The following ADAMTS17 variants were observed in gnomAD, a reference collection of about 807,000 sequenced individuals.
The protein encoded by ADAMTS17 is ADAM metallopeptidase with thrombospondin type 1 motif 17, also known as A disintegrin and metalloproteinase with thrombospondin motifs 17.
ADAMTS17 carries 113 observed loss-of-function variants against 141.5 expected under a neutral mutation model. That is an observed-to-expected ratio of 0.80 (90% CI 0.69 to 0.93). The LOEUF is 0.93. Among genes scored for constraint, ADAMTS17 ranks in the 40% least tolerant of loss-of-function variants. ADAMTS17 has a pLI of 0.00. For synonymous variants in ADAMTS17, 768 were observed against 630.6 expected (o/e 1.22, Z -3.27); for missense variants, 1,659 against 1,517.9 (o/e 1.09, Z -1.54).
intron 3 of ADAMTS17, chr15:100,306,622 A>C (rs1409675102): frequency 2.2e-6 from 1 of 455,036 alleles, no homozygotes. Context: ...TCCCTGACCC[A>C]CAGAATCTAT....
chr15:100,275,193 AAGAC>A (rs1178757304), intron 4 of ADAMTS17, among the ~76,000 whole-genome samples: 7 of 152,356 alleles, frequency 4.6e-5, no homozygotes, highest in African/African-American at 1.7e-4. Flanking sequence ...ATTCCTGACA[AAGAC>A]AGTAAGTCAA....
intron 8 of ADAMTS17, among the ~76,000 whole-genome samples, chr15:100,161,070 T>C (rs1224303780): frequency 6.6e-6 from 1 of 152,242 alleles, no homozygotes; most frequent in Non-Finnish European, 1.5e-5. Flanking sequence ...AGGGCACAGA[T>C]GGGCCTTGTG....
chr15:100,217,639 G>A (rs1232595764), intron 7 of ADAMTS17, among the ~76,000 whole-genome samples: 3 of 152,038 alleles, frequency 2.0e-5, no homozygotes, highest in African/African-American at 7.3e-5. Flanking sequence ...TGTGATCCTG[G>A]GTTAGGCAAT....
chr15:100,102,863 G>A (rs971245403), intron 14 of ADAMTS17, among the ~76,000 whole-genome samples: 3 of 152,232 alleles, frequency 2.0e-5, no homozygotes, highest in South Asian at 2.1e-4. Flanking sequence ...TGAGCATGCC[G>A]ATGCACCCTC....
intron 15 of ADAMTS17, among the ~76,000 whole-genome samples, chr15:100,091,493 A>G (rs2035468457): frequency 6.6e-6 from 1 of 152,184 alleles, no homozygotes; most frequent in East Asian, 1.9e-4. Flanking sequence ...TTTCTGCCCT[A>G]AGGACCAGCA....
At chr15:100,162,285 T>C (rs2039726029) in intron 8 of ADAMTS17, among the ~76,000 whole-genome samples, 1 of 151,554 alleles carries the variant, frequency 6.6e-6, no homozygotes, top group African/African-American at 2.4e-5. Flanking sequence ...AAAGTAGCCT[T>C]GCCTGGGTTT....
At position 100,200,834 on chromosome 15, in the gene ADAMTS17, C is replaced by T. The variant is rs529548853; in HGVS notation, c.1076-1411G>A. Among the ~76,000 whole-genome samples, 35 of 151,786 alleles carry T rather than the reference C, an allele frequency of 2.3e-4. No homozygotes were observed. The East Asian group carries it at 6.2e-3, about 27-fold the overall frequency. On this transcript the variant is annotated intron_variant, in intron 7 of 21. Transcript: ENST00000268070. Reference sequence around the variant, plus strand: ...CTCTGTCGAGCTGCACCTGCTCTCCCCCATGGGCTGTCCCTCTGTCGAACT... The same window carrying T: ...CTCTGTCGAGCTGCACCTGCTCTCCTCCATGGGCTGTCCCTCTGTCGAACT...
At chr15:100,187,125 G>A (rs940202648) in intron 8 of ADAMTS17, among the ~76,000 whole-genome samples, 1 of 152,142 alleles carries the variant, frequency 6.6e-6, no homozygotes, top group Non-Finnish European at 1.5e-5. Context: ...GCTCCCACCG[G>A]TACAAGGTGC....
intron 18 of ADAMTS17, among the ~76,000 whole-genome samples, chr15:100,007,389 C>A (rs1467566020): frequency 6.7e-6 from 1 of 150,268 alleles, no homozygotes; most frequent in Non-Finnish European, 1.5e-5. Context: ...GCAGTGGTGG[C>A]AAGGGGACAA....
intron 3 of ADAMTS17, among the ~76,000 whole-genome samples, chr15:100,295,590 G>A (rs1164036506): frequency 6.6e-6 from 1 of 152,158 alleles, no homozygotes; most frequent in Non-Finnish European, 1.5e-5. Context: ...ATAAGCCACA[G>A]CCCCACAGCC....
chr15:100,168,124 T>A (rs1156872124), intron 8 of ADAMTS17, among the ~76,000 whole-genome samples: 4 of 152,138 alleles, frequency 2.6e-5, no homozygotes, highest in Admixed American at 6.5e-5. Flanking sequence ...CCCCACTGTA[T>A]CTGTTAGAGG....
chr15:99,976,575 A>T, intron 20 of ADAMTS17: 1 of 423,504 alleles, frequency 2.4e-6, no homozygotes, highest in Non-Finnish European at 4.4e-6. Context: ...CAAAATGCAG[A>T]TGTTGGAGCC....
intron 3 of ADAMTS17, among the ~76,000 whole-genome samples, chr15:100,315,575 C>T (rs1340639844): frequency 6.6e-6 from 1 of 152,158 alleles, no homozygotes. Flanking sequence ...ATGGCTCACA[C>T]CTATAATCCC....
intron 18 of ADAMTS17, among the ~76,000 whole-genome samples, chr15:100,046,965 A>G (rs943240135): frequency 1.3e-5 from 2 of 152,168 alleles, no homozygotes; most frequent in East Asian, 1.9e-4. Flanking sequence ...GAACAGAGCC[A>G]TATTTCTTTT....
At chr15:100,315,271 C>T (rs541383300) in intron 3 of ADAMTS17, among the ~76,000 whole-genome samples, 27 of 152,290 alleles carry the variant, frequency 1.8e-4, no homozygotes, top group Admixed American at 1.1e-3. Flanking sequence ...GCGGCAGCCT[C>T]GGCTGCCAGC....
intron 8 of ADAMTS17, among the ~76,000 whole-genome samples, chr15:100,178,984 G>C (rs899177087): frequency 1.3e-5 from 2 of 152,146 alleles, no homozygotes; most frequent in Middle Eastern, 6.8e-3. Flanking sequence ...TGGGTACATA[G>C]TAGCTGTATG....
chr15:100,131,923 C>CCCTG, intron 12 of ADAMTS17, 84 bp downstream of exon 12: 2 of 1,600,956 alleles, frequency 1.2e-6, no homozygotes, highest in Non-Finnish European at 1.7e-6. Context: ...GGGAGACAGA[C>CCCTG]CCTGCTTTGT....
chr15:100,188,915 GA>G (rs947298712), intron 8 of ADAMTS17, among the ~76,000 whole-genome samples: 1 of 151,842 alleles, frequency 6.6e-6, no homozygotes, highest in African/African-American at 2.4e-5. Flanking sequence ...AAACAAGATG[GA>G]AAAAAAAGTC....
At chr15:100,198,012 A>G (rs1168384749) in intron 8 of ADAMTS17, among the ~76,000 whole-genome samples, 1 of 152,152 alleles carries the variant, frequency 6.6e-6, no homozygotes, top group East Asian at 1.9e-4. Flanking sequence ...ACCACACACC[A>G]GGGCCTGTTA....
Sources: gnomAD v4.1 joint callset for allele counts (sites outside exome capture counted in the v4.1 genomes callset) on GRCh38, gnomAD v4.1.1 for gene constraint, MANE v1.5 for transcripts, NCBI Gene and HGNC (gene_info 2026-07-23, HGNC 2026-07-21) for gene names.